The following PXN variants were observed in gnomAD, a reference collection of about 807,000 sequenced individuals.
PXN encodes paxillin, also known as testicular tissue protein Li 134.
A neutral mutation model predicts 103.6 loss-of-function variants in PXN; 61 were observed. The ratio of observed to expected loss-of-function variants is 0.59; its 90% CI spans 0.48 to 0.73. The LOEUF (loss-of-function observed/expected upper bound fraction) is 0.73. Among genes scored for constraint, PXN ranks in the 30% least tolerant of loss-of-function variants. The pLI is 0.00. For synonymous variants in PXN, 562 were observed against 607.8 expected, an observed-to-expected ratio of 0.92 and a Z score of 1.11; for missense variants, 1,274 against 1,460.3, an observed-to-expected ratio of 0.87 and a Z score of 2.08.
intron 1 of PXN, among the ~76,000 whole-genome samples, chr12:120,258,775 T>G (rs940131887): frequency 1.3e-5 from 2 of 152,098 alleles, no homozygotes; most frequent in African/African-American, 4.8e-5. Flanking sequence ...TAAAACTAAG[T>G]TGAGCTGGGT....
At chr12:120,237,478 C>T (rs565748720) in intron 1 of PXN, among the ~76,000 whole-genome samples, 2 of 152,240 alleles carry the variant, frequency 1.3e-5, no homozygotes, top group South Asian at 4.1e-4. Context: ...TGTTCCAGTG[C>T]ATTTACTTGA....
chr12:120,235,522 G>A (rs1251684810), intron 1 of PXN, among the ~76,000 whole-genome samples: 3 of 152,050 alleles, frequency 2.0e-5, no homozygotes, highest in Admixed American at 6.6e-5. Context: ...AGGAATGATC[G>A]CTTTCAGCAG....
chr12:120,246,520 AAAAAAAAAAAAAAG>A (rs1363574053), intron 1 of PXN, among the ~76,000 whole-genome samples: 2 of 145,602 alleles, frequency 1.4e-5, no homozygotes, highest in African/African-American at 2.6e-5. Context: ...GTCTCAAAAA[AAAAAAAAAAAAAAG>A]AAAAAAGAAA....
At chr12:120,256,573 G>A (rs567257580) in intron 1 of PXN, among the ~76,000 whole-genome samples, 2 of 152,024 alleles carry the variant, frequency 1.3e-5, no homozygotes, top group African/African-American at 2.4e-5. Context: ...ATGGGGACGT[G>A]GGGGGTGGAG....
In PXN at chr12:120,219,563, C is replaced by T. The variant is rs1884413237; in HGVS notation, c.1360G>A (p.Ala454Thr). ...FGPERMPPSGAARSFQEVTEP... is the reference protein window; with the variant it reads ...FGPERMPPSGTARSFQEVTEP... ...GTTACTTCTTGGAAGCTTCGAGCAG[C>T]TCCAGAGGGGGGCATTCTCTCAGGC... is the stretch of plus-strand genomic sequence containing the variant. The change falls in exon 7 of 15, where the codon GCT becomes ACT. Residue 454 changes from alanine (A) to threonine (T), a missense_variant. Transcript: ENST00000637617. The surrounding 1 kb of genome is among the most constrained non-coding windows in gnomAD (Gnocchi z 6.5). 2 of 1,575,858 alleles carry T rather than the reference C, an allele frequency of 1.3e-6. No individual in the cohort carries two copies.
Position 120,214,544 on chromosome 12 carries a change from C to A in PXN, c.2748+281G>T, listed in dbSNP as rs1350536231. On this transcript the variant is annotated intron_variant, in intron 12 of 14. Coordinates refer to ENST00000637617, the MANE Select transcript of PXN (RefSeq NM_001385981.1). This position sits in a 1 kb window ranked among gnomAD's most constrained non-coding sequence, Gnocchi z 5.0. ...TTCACAGAGAGGGAGAGTGAGGCCG[C>A]TGGCATCCAACTCCATTTATCTCCT... is the stretch of plus-strand genomic sequence containing the variant. Among the ~76,000 whole-genome samples the A allele has an allele frequency of 2.0e-5, 3 of 152,344 alleles. No individual in the cohort carries two copies. Among genetic ancestry groups the A allele is most frequent in the African/African-American group, 7.2e-5 (3 of 41,582 alleles).
At position 120,224,832 on chromosome 12, in the gene PXN, C is replaced by A; in HGVS notation, c.14-455G>T. The A allele has an allele frequency of 2.3e-6, 1 of 428,918 alleles. No homozygotes were observed. 26.6% of individuals were successfully genotyped at this position (428,918 alleles called of 1,614,324 possible). On this transcript the variant is annotated intron_variant, in intron 1 of 14. Coordinates refer to ENST00000637617, the MANE Select transcript of PXN (RefSeq NM_001385981.1). This position sits in a 1 kb window ranked among gnomAD's most constrained non-coding sequence, Gnocchi z 5.0. ...TGATTTCTAAGAGCTTAGGCTTTCC[C>A]AGCCCCCGACTGGAAGGGGCACTCA...
At chr12:120,258,820 G>C (rs143454723) in intron 1 of PXN, among the ~76,000 whole-genome samples, 2 of 152,246 alleles carry the variant, frequency 1.3e-5, no homozygotes, top group Non-Finnish European at 2.9e-5. Flanking sequence ...AGCACTTTGG[G>C]AGGCCGAGGT....
Position 120,265,654 on chromosome 12 carries a change from G to A in PXN, c.-25C>T. 1.4e-6 allele frequency: 2 copies of A among 1,462,702 alleles called. No individual in the cohort carries two copies. The highest frequency in any genetic ancestry group is 1.8e-6 in the Non-Finnish European group (2 of 1,111,630). 90.6% of individuals were successfully genotyped at this position (1,462,702 alleles called of 1,614,324 possible). A position where few individuals can be genotyped will look rare whatever the true frequency, so the allele number is the denominator to read the frequency against. On this transcript the variant is annotated 5_prime_UTR_variant, in exon 1 of 15. Coordinates refer to ENST00000637617, the MANE Select transcript of PXN (RefSeq NM_001385981.1). The surrounding 1 kb of genome is among the most constrained non-coding windows in gnomAD (Gnocchi z 5.7). ...TGGCCGGACCACGGGCGCCGGCTCA[G>A]GGTCGCGCTAGCTGCCCGTCCCGGG...
Position 120,214,083 on chromosome 12 carries a change from C to T in PXN, c.2830+53G>A. On this transcript the variant is annotated intron_variant, in intron 13 of 14. Coordinates refer to ENST00000637617, the MANE Select transcript of PXN (RefSeq NM_001385981.1). The surrounding 1 kb of genome is among the most constrained non-coding windows in gnomAD (Gnocchi z 5.0). ...ACCTCAGCAGCGTCTCCCACCCCCA[C>T]CTCCCCGGCCCTCCTAAGAGGCGGT... The T allele has an allele frequency of 6.4e-7, 1 of 1,558,576 alleles. No homozygotes were observed. Among genetic ancestry groups the T allele is most frequent in the Non-Finnish European group, 8.7e-7 (1 of 1,151,556 alleles).
chr12:120,213,741 A>G lies in PXN; in HGVS notation c.2979+101T>C, dbSNP rs1881314711. On this transcript the variant is annotated intron_variant, in intron 14 of 14. Transcript: ENST00000637617. This position sits in a 1 kb window ranked among gnomAD's most constrained non-coding sequence, Gnocchi z 4.2. The stretch of plus-strand genomic sequence containing the variant: ...CCTGCTCCCCCAATTAATAACCCCA[A>G]ATGAGGCCTCTGAGTTGGATCCAGA... The G allele has an allele frequency of 2.7e-6, 4 of 1,458,074 alleles. No individual in the cohort carries two copies. The East Asian group carries it at 9.9e-5, about 36-fold the overall frequency. The allele number at this position is 1,458,074 out of a possible 1,614,324, so 90.3% of individuals were successfully genotyped here.
At chr12:120,252,247 A>G (rs991001775) in intron 1 of PXN, among the ~76,000 whole-genome samples, 4 of 152,174 alleles carry the variant, frequency 2.6e-5, no homozygotes, top group Non-Finnish European at 5.9e-5. Flanking sequence ...GTGACCGCAG[A>G]GAGAACAGCA....
rs369639655 is a variant in PXN, at chr12:120,214,079, C to T, written c.2830+57G>A. ...TCCAACCTCAGCAGCGTCTCCCACCCCCACCTCCCCGGCCCTCCTAAGAGG... is the reference window on the plus strand; with the variant it reads ...TCCAACCTCAGCAGCGTCTCCCACCTCCACCTCCCCGGCCCTCCTAAGAGG... On this transcript the variant is annotated intron_variant, in intron 13 of 14. Coordinates refer to ENST00000637617, the MANE Select transcript of PXN (RefSeq NM_001385981.1). The surrounding 1 kb of genome is among the most constrained non-coding windows in gnomAD (Gnocchi z 5.0). 37 of 1,562,434 alleles carry T rather than the reference C, an allele frequency of 2.4e-5. No homozygotes were observed. The highest frequency in any genetic ancestry group is 3.1e-5 in the Non-Finnish European group (36 of 1,154,026).
At position 120,214,695 on chromosome 12, in the gene PXN, T is replaced by C. The variant is rs1881953613; in HGVS notation, c.2748+130A>G. ...GGTGTGGCTGTGAATCCGGCCCCAC[T>C]GTTCCCTAGCCCTGTGAGCCTCGGG... is the stretch of plus-strand genomic sequence containing the variant. On this transcript the variant is annotated intron_variant, in intron 12 of 14. Transcript: ENST00000637617. The surrounding 1 kb of genome is among the most constrained non-coding windows in gnomAD (Gnocchi z 5.0). 8.0e-7 allele frequency: 1 copy of C among 1,243,830 alleles called. No homozygotes were observed. Among genetic ancestry groups the C allele is most frequent in the Non-Finnish European group, 1.1e-6 (1 of 892,838 alleles). 77.0% of individuals were successfully genotyped at this position (1,243,830 alleles called of 1,614,324 possible).
chr12:120,240,535 C>G (rs1174378673), intron 1 of PXN, among the ~76,000 whole-genome samples: 3 of 152,128 alleles, frequency 2.0e-5, no homozygotes, highest in African/African-American at 7.2e-5. Flanking sequence ...CAATCTCTCT[C>G]CCTGGCTTTG....
intron 1 of PXN, among the ~76,000 whole-genome samples, chr12:120,250,961 T>C (rs1307015420): frequency 2.6e-5 from 4 of 152,176 alleles, no homozygotes; most frequent in African/African-American, 9.7e-5. Flanking sequence ...CCCAACACTT[T>C]GGGAGGCCGA....
At chr12:120,244,893 C>T (rs1224102572) in intron 1 of PXN, among the ~76,000 whole-genome samples, 1 of 151,732 alleles carries the variant, frequency 6.6e-6, no homozygotes, top group Non-Finnish European at 1.5e-5. Flanking sequence ...GAATAGTCCA[C>T]AAGACTTTGT....
In PXN at chr12:120,216,646, G is replaced by T; in HGVS notation, c.1993-65C>A. ...CGCCAGCTCAGCCCACAGGGGTGGC[G>T]GGACCTCCCCAGGCTCCCCCTGGGC... On this transcript the variant is annotated intron_variant, in intron 8 of 14. Coordinates refer to ENST00000637617, the MANE Select transcript of PXN (RefSeq NM_001385981.1). This position sits in a 1 kb window ranked among gnomAD's most constrained non-coding sequence, Gnocchi z 5.1. 1 of 1,550,616 alleles carries T rather than the reference G, an allele frequency of 6.4e-7. No individual in the cohort carries two copies. Among genetic ancestry groups the T allele is most frequent in the South Asian group, 1.2e-5 (1 of 84,272 alleles).
intron 1 of PXN, among the ~76,000 whole-genome samples, chr12:120,243,697 C>T (rs73415026): frequency 1.4e-3 from 220 of 152,270 alleles, no homozygotes; most frequent in African/African-American, 5.1e-3. Flanking sequence ...TCTCTTAAAA[C>T]ACACACAAAA....
Sources: gnomAD v4.1 joint callset for allele counts (sites outside exome capture counted in the v4.1 genomes callset) on GRCh38, gnomAD v4.1.1 for gene constraint, Gnocchi (gnomAD v3.1) non-coding constraint, MANE v1.5 for transcripts, NCBI Gene and HGNC (gene_info 2026-07-23, HGNC 2026-07-21) for gene names.